HIRA: variants seen among roughly 807,000 people sequenced by gnomAD.
HIRA encodes the protein protein HIRA.
HIRA carries 13 observed loss-of-function variants against 126.6 expected under a neutral mutation model. The observed-to-expected ratio is 0.10, with a 90% CI of 0.07 to 0.16. The LOEUF is 0.16. HIRA is among the 10% of genes least tolerant of loss of function. The pLI, the probability that HIRA is intolerant of heterozygous loss-of-function variation, is 1.00. For synonymous variants in HIRA, 511 were observed against 520.0 expected (o/e 0.98, Z 0.24); for missense variants, 834 against 1,314.4 (o/e 0.63, Z 5.65).
At chr22:19,359,177 G>A (rs1160683751) in intron 18 of HIRA, among the ~76,000 whole-genome samples, 159 bp downstream of exon 18, 2 of 152,096 alleles carry the variant, frequency 1.3e-5, no homozygotes, top group Admixed American at 6.6e-5. Context: ...GGACTGAGAT[G>A]ACAAGCACAT....
rs200541762 is a variant in HIRA, at chr22:19,424,782, CT to C, written c.37+6657del. On this transcript the variant is annotated intron_variant, in intron 1 of 24. Transcript: ENST00000263208. ...CTCAGCCTAAGTTTCCATCTGTGAACTGTAATGCTGCAAGTCATAGAGAATT... is the reference window on the plus strand; with the variant it reads ...CTCAGCCTAAGTTTCCATCTGTGAACGTAATGCTGCAAGTCATAGAGAATT... 1.7e-3 allele frequency among the ~76,000 whole-genome samples: 263 copies of C among 152,292 alleles called. 5 individuals are homozygous for C. The East Asian group carries it at 0.041, about 24-fold the overall frequency.
chr22:19,427,751 A>G (rs978939150), intron 1 of HIRA, among the ~76,000 whole-genome samples: 7 of 152,316 alleles, frequency 4.6e-5, no homozygotes, highest in African/African-American at 1.7e-4. Context: ...CTGCCCAGGC[A>G]TGAGAATTCC....
chr22:19,349,446 G>T (rs1340914107), intron 24 of HIRA, among the ~76,000 whole-genome samples: 2 of 152,160 alleles, frequency 1.3e-5, no homozygotes, highest in African/African-American at 4.8e-5. Flanking sequence ...TCTCTCAGAT[G>T]ATGGGGAAAA....
chr22:19,392,017 C>A (rs1029987379), intron 9 of HIRA, 84 bp downstream of exon 9: 21 of 731,688 alleles, frequency 2.9e-5, no homozygotes, highest in Middle Eastern at 8.3e-4. Context: ...TAGCATCACC[C>A]AAAGCAGGTC....
At chr22:19,412,294 G>C (rs957177274) in intron 1 of HIRA, among the ~76,000 whole-genome samples, 2 of 152,148 alleles carry the variant, frequency 1.3e-5, no homozygotes, top group African/African-American at 4.8e-5. Context: ...CACAGGCCTG[G>C]TGAGGTGTTC....
At chr22:19,352,893 AGAGT>A (rs1484256529) in intron 23 of HIRA, among the ~76,000 whole-genome samples, 1 of 152,230 alleles carries the variant, frequency 6.6e-6, no homozygotes, top group East Asian at 1.9e-4. Flanking sequence ...GGGAGGCAGC[AGAGT>A]GAGAGCTCTG....
At chr22:19,338,267 G>C (rs1213939205) in intron 24 of HIRA, among the ~76,000 whole-genome samples, 1 of 152,098 alleles carries the variant, frequency 6.6e-6, no homozygotes, top group African/African-American at 2.4e-5. Flanking sequence ...GACAAATGCT[G>C]AGAGAATTTG....
intron 15 of HIRA, 89 bp downstream of exon 15, chr22:19,375,542 C>T: frequency 7.2e-7 from 1 of 1,394,658 alleles, no homozygotes; most frequent in Non-Finnish European, 9.9e-7. Context: ...AACAGGAAGG[C>T]AGGTTGCTTG....
intron 15 of HIRA, among the ~76,000 whole-genome samples, chr22:19,367,852 T>A (rs537998353): frequency 6.6e-6 from 1 of 152,320 alleles, no homozygotes; most frequent in Non-Finnish European, 1.5e-5. Flanking sequence ...GCTGAATCCA[T>A]AGATGTGGAA....
intron 3 of HIRA, 43 bp from the exon 4 acceptor site, chr22:19,407,317 T>C (rs2089316242): frequency 4.1e-6 from 6 of 1,479,406 alleles, no homozygotes; most frequent in Non-Finnish European, 5.7e-6. Context: ...CCAGTAGTCA[T>C]GCCCATTTGC....
At chr22:19,373,460 C>T (rs1208195963) in intron 15 of HIRA, among the ~76,000 whole-genome samples, 1 of 152,194 alleles carries the variant, frequency 6.6e-6, no homozygotes, top group Non-Finnish European at 1.5e-5. Context: ...ATCATCTAAA[C>T]AGTGCTTTAT....
intron 1 of HIRA, among the ~76,000 whole-genome samples, chr22:19,413,377 G>A (rs2089369343): frequency 6.6e-6 from 1 of 152,110 alleles, no homozygotes; most frequent in Admixed American, 6.6e-5. Flanking sequence ...CAGCTACAAA[G>A]CCTTGAGATT....
At chr22:19,368,786 G>A (rs572850045) in intron 15 of HIRA, among the ~76,000 whole-genome samples, 7 of 152,248 alleles carry the variant, frequency 4.6e-5, no homozygotes, top group South Asian at 4.1e-4. Context: ...TTTCTAAGGC[G>A]GGCGGTGGCT....
intron 13 of HIRA, among the ~76,000 whole-genome samples, chr22:19,379,353 G>T (rs867392867): frequency 2.0e-5 from 3 of 151,064 alleles, no homozygotes; most frequent in African/African-American, 7.3e-5. Flanking sequence ...CCGGCCAGGC[G>T]CAGTGGCTCA....
chr22:19,390,056 C>A (rs1405861887), intron 9 of HIRA, among the ~76,000 whole-genome samples: 8 of 152,032 alleles, frequency 5.3e-5, no homozygotes, highest in African/African-American at 1.9e-4. Context: ...TATATTGGCA[C>A]CTTGATGCTC....
rs372200954 is a variant in HIRA at position 19,431,156 on chromosome 22, G to A, written c.37+284C>T. On this transcript the variant is annotated intron_variant, in intron 1 of 24. Transcript: ENST00000263208. ...GGCTGGCACCAAGGCCCGCTCCTGG[G>A]AGCCAGGCCGCGGCCCCTCCAAGGA... Among the ~76,000 whole-genome samples the A allele has an allele frequency of 1.6e-4, 24 of 152,340 alleles. No homozygotes were observed. In the East Asian group the frequency reaches 2.7e-3, roughly 17 times the overall value.
intron 1 of HIRA, among the ~76,000 whole-genome samples, chr22:19,426,411 G>T (rs1407703138): frequency 6.6e-6 from 1 of 152,146 alleles, no homozygotes; most frequent in Non-Finnish European, 1.5e-5. Flanking sequence ...TTCACCCTCT[G>T]GGCCTTTTCT....
At chr22:19,381,469 C>T (rs575963697) in intron 13 of HIRA, among the ~76,000 whole-genome samples, 61 of 152,176 alleles carry the variant, frequency 4.0e-4, no homozygotes, top group Non-Finnish European at 6.5e-4. Flanking sequence ...TCCACCTATT[C>T]CCATTTAACT....
At chr22:19,352,773 A>C (rs2088771575) in intron 23 of HIRA, among the ~76,000 whole-genome samples, 1 of 152,262 alleles carries the variant, frequency 6.6e-6, no homozygotes, top group Admixed American at 6.5e-5. Context: ...GGCCTGCCCC[A>C]TGCCGCACCC....
Sources: allele counts gnomAD v4.1 joint callset (sites outside exome capture counted in the v4.1 genomes callset), GRCh38; gene constraint gnomAD v4.1.1; transcripts MANE v1.5; gene names NCBI Gene and HGNC (gene_info 2026-07-23, HGNC 2026-07-21).